AGBL1: variants seen among roughly 807,000 people sequenced by gnomAD.
AGBL1 encodes AGBL carboxypeptidase 1.
In AGBL1, 130 loss-of-function variants were observed where a neutral mutation model predicts 118.9. That is an observed-to-expected ratio of 1.09 (90% confidence interval 0.95 to 1.26). The LOEUF is 1.26. Ranked by LOEUF, AGBL1 falls within the 50% of genes most tolerant of loss-of-function variation. The pLI is 0.00. For missense variants in AGBL1, 1,584 were observed against 1,298.1 expected (o/e 1.22, Z -3.38); for synonymous variants, 555 against 478.9 (o/e 1.16, Z -2.08).
chr15:86,171,207 G>A (rs1348137626), intron 5 of AGBL1, among the ~76,000 whole-genome samples: 1 of 152,138 alleles, frequency 6.6e-6, no homozygotes, highest in Non-Finnish European at 1.5e-5. Flanking sequence ...AAAGACCAAG[G>A]AGCACTAGAA....
At chr15:86,335,907 A>G (rs1237663769) in intron 17 of AGBL1, among the ~76,000 whole-genome samples, 2 of 152,226 alleles carry the variant, frequency 1.3e-5, no homozygotes, top group African/African-American at 2.4e-5. Flanking sequence ...TCTGAATAAG[A>G]ACATGCATGT....
At chr15:86,842,884 A>AG (rs1567202437) in intron 22 of AGBL1, among the ~76,000 whole-genome samples, 1 of 152,042 alleles carries the variant, frequency 6.6e-6, no homozygotes, top group Non-Finnish European at 1.5e-5. Flanking sequence ...AATTGTCTTT[A>AG]GCGGGGTTAC....
At position 86,262,906 on chromosome 15, in the gene AGBL1, G is replaced by A. The variant is rs994834979; in HGVS notation, c.1086+12G>A. On this transcript the variant is annotated intron_variant, in intron 10 of 22. Transcript: ENST00000614907. ...CCTATAGCTTTGAGGTAGGACATATGCTGTGGTTCTGATCTTTGACGATGC... is the reference window on the plus strand; with the variant it reads ...CCTATAGCTTTGAGGTAGGACATATACTGTGGTTCTGATCTTTGACGATGC... 1.3e-6 allele frequency: 2 copies of A among 1,576,144 alleles called. No homozygotes were observed. Among genetic ancestry groups the A allele is most frequent in the Non-Finnish European group, 8.7e-7 (1 of 1,154,398 alleles).
At chr15:87,001,057 G>A (rs1223964046) in intron 24 of AGBL1, among the ~76,000 whole-genome samples, 5 of 121,800 alleles carry the variant, frequency 4.1e-5, no homozygotes, top group Middle Eastern at 3.6e-3. Context: ...AAGAATGCTT[G>A]TGATTTTTGT....
At chr15:86,798,617 G>A (rs988713471) in intron 22 of AGBL1, among the ~76,000 whole-genome samples, 4 of 151,472 alleles carry the variant, frequency 2.6e-5, no homozygotes, top group African/African-American at 7.3e-5. Flanking sequence ...AACTATGTTT[G>A]ATAAATATTA....
At chr15:86,181,628 A>G (rs2077554335) in intron 5 of AGBL1, among the ~76,000 whole-genome samples, 1 of 151,996 alleles carries the variant, frequency 6.6e-6, no homozygotes, top group Non-Finnish European at 1.5e-5. Context: ...CATACATGAA[A>G]TCTCATCAAG....
intron 22 of AGBL1, among the ~76,000 whole-genome samples, chr15:86,677,486 C>T (rs2085869422): frequency 2.0e-5 from 3 of 152,216 alleles, no homozygotes; most frequent in South Asian, 2.1e-4. Flanking sequence ...CAGGAGGAGC[C>T]GTTTATCCAT....
chr15:86,197,799 T>C (rs546088813), intron 5 of AGBL1, among the ~76,000 whole-genome samples: 6 of 151,848 alleles, frequency 4.0e-5, no homozygotes, highest in East Asian at 1.9e-4. Context: ...CTGAAGGGAA[T>C]AGAGCAAAAG....
At chr15:86,743,804 C>G (rs1182530099) in intron 22 of AGBL1, among the ~76,000 whole-genome samples, 1 of 152,036 alleles carries the variant, frequency 6.6e-6, no homozygotes, top group African/African-American at 2.4e-5. Flanking sequence ...CTGCCCTAGT[C>G]TAACCAGTTC....
intron 18 of AGBL1, among the ~76,000 whole-genome samples, chr15:86,417,939 C>T (rs2081720591): frequency 6.6e-6 from 1 of 152,098 alleles, no homozygotes; most frequent in African/African-American, 2.4e-5. Flanking sequence ...CAAATAAAGC[C>T]TCGAAGTTAT....
intron 22 of AGBL1, among the ~76,000 whole-genome samples, chr15:86,765,061 A>G (rs925311072): frequency 6.6e-5 from 10 of 151,942 alleles, no homozygotes; most frequent in East Asian, 1.9e-4. Flanking sequence ...TCCATTAGGT[A>G]TAGTTTATGA....
At chr15:86,711,373 T>C (rs566687476) in intron 22 of AGBL1, among the ~76,000 whole-genome samples, 2 of 152,326 alleles carry the variant, frequency 1.3e-5, no homozygotes, top group East Asian at 3.9e-4. Context: ...TGGCAAGATA[T>C]GGCAAGAAGC....
intron 17 of AGBL1, among the ~76,000 whole-genome samples, chr15:86,311,328 A>C (rs146344965): frequency 2.0e-5 from 3 of 152,282 alleles, no homozygotes; most frequent in East Asian, 3.9e-4. Context: ...TCTACTTTAC[A>C]TGCTACTTTC....
intron 17 of AGBL1, among the ~76,000 whole-genome samples, chr15:86,304,066 C>T (rs2079797945): frequency 6.6e-6 from 1 of 152,154 alleles, no homozygotes; most frequent in South Asian, 2.1e-4. Flanking sequence ...CTTCAAGATA[C>T]AATCACCCAT....
intron 17 of AGBL1, among the ~76,000 whole-genome samples, chr15:86,366,996 G>C (rs2080897452): frequency 6.6e-6 from 1 of 152,064 alleles, no homozygotes; most frequent in African/African-American, 2.4e-5. Context: ...GGCCGACTTG[G>C]GTCAGCTAAA....
At chr15:86,326,934 T>C (rs559826621) in intron 17 of AGBL1, among the ~76,000 whole-genome samples, 12 of 151,992 alleles carry the variant, frequency 7.9e-5, no homozygotes, top group East Asian at 3.9e-4. Context: ...TTTTCTTTTT[T>C]TTTTTTTTAA....
intron 22 of AGBL1, among the ~76,000 whole-genome samples, chr15:86,703,030 A>G (rs2086387149): frequency 6.6e-6 from 1 of 152,178 alleles, no homozygotes; most frequent in Non-Finnish European, 1.5e-5. Flanking sequence ...ATGGCCAGAT[A>G]TAGTGGAGGA....
intron 5 of AGBL1, among the ~76,000 whole-genome samples, chr15:86,191,539 A>G (rs940406162): frequency 1.8e-4 from 28 of 152,116 alleles, no homozygotes; most frequent in Non-Finnish European, 3.8e-4. Context: ...AACTAGAATG[A>G]CAATAATTTA....
At position 86,262,835 on chromosome 15, in the gene AGBL1, C is replaced by T. The variant is rs1355405401; in HGVS notation, c.1027C>T (p.Pro343Ser). ...GAGTTCCAAACCTGGTCTTGACCGA[C>T]CTGAAGAGGAACTGATGCAATATGA... ...KLSSKPGLDR[P>S]EEELMQYEVM... Residue 343 changes from proline (P) to serine (S), a missense_variant, in exon 10 of 23, where the codon CCT (proline) becomes TCT (serine). Coordinates refer to ENST00000614907, the MANE Select transcript of AGBL1 (RefSeq NM_001386094.1). The T allele has an allele frequency of 1.2e-6, 2 of 1,611,510 alleles. No individual in the cohort carries two copies. The highest frequency in any genetic ancestry group is 1.7e-4 in the Middle Eastern group (1 of 6,056).
Sources: gnomAD v4.1 joint callset for allele counts (sites outside exome capture counted in the v4.1 genomes callset) on GRCh38, gnomAD v4.1.1 for gene constraint, MANE v1.5 for transcripts, NCBI Gene and HGNC (gene_info 2026-07-23, HGNC 2026-07-21) for gene names.